The following EYS variants were observed in gnomAD, a reference collection of about 807,000 sequenced individuals.
EYS encodes the protein protein eyes shut homolog.
EYS carries 250 observed loss-of-function variants against 282.1 expected under a neutral mutation model. That is an observed-to-expected ratio of 0.89 (90% CI 0.80 to 0.98). EYS has a LOEUF of 0.98. EYS is among the 50% of genes least tolerant of loss of function. EYS has a pLI of 0.00. For synonymous variants in EYS, 1,355 were observed against 1,282.9 expected, an observed-to-expected ratio of 1.06 and a Z score of -1.20; for missense variants, 4,016 against 3,709.0, an observed-to-expected ratio of 1.08 and a Z score of -2.15.
chr6:65,067,457 A>G (rs9354211), intron 12 of EYS, among the ~76,000 whole-genome samples: 6,989 of 152,188 alleles, frequency 0.046, 215 homozygotes, highest in Middle Eastern at 0.068. Flanking sequence ...CTCTGGTTTT[A>G]GATATGATGT....
intron 31 of EYS, among the ~76,000 whole-genome samples, chr6:64,229,415 T>A (rs1437418563): frequency 6.6e-6 from 1 of 152,172 alleles, no homozygotes; most frequent in African/African-American, 2.4e-5. Flanking sequence ...CCTAGATCTC[T>A]CTACTCAAAG....
intron 22 of EYS, among the ~76,000 whole-genome samples, chr6:64,671,004 G>A (rs1288890631): frequency 6.6e-6 from 1 of 151,048 alleles, no homozygotes; most frequent in Non-Finnish European, 1.5e-5. Flanking sequence ...TTCATTCCCA[G>A]ACCTACTATT....
intron 12 of EYS, among the ~76,000 whole-genome samples, chr6:65,075,135 A>G (rs1479786215): frequency 6.6e-6 from 1 of 152,048 alleles, no homozygotes; most frequent in Non-Finnish European, 1.5e-5. Context: ...AGTTGAGAAC[A>G]TGAGTTCTTA....
intron 2 of EYS, among the ~76,000 whole-genome samples, chr6:65,596,467 A>C (rs2149787506): frequency 6.6e-6 from 1 of 152,230 alleles, no homozygotes; most frequent in South Asian, 2.1e-4. Context: ...AATATTGGGA[A>C]AGATGTGATT....
chr6:64,952,479 T>A (rs1769546026), intron 14 of EYS, among the ~76,000 whole-genome samples: 1 of 151,980 alleles, frequency 6.6e-6, no homozygotes, highest in Non-Finnish European at 1.5e-5. Flanking sequence ...AACCATAAAT[T>A]TTAACTAAAA....
At chr6:65,689,061 A>G (rs1014007086) in intron 1 of EYS, among the ~76,000 whole-genome samples, 5 of 150,422 alleles carry the variant, frequency 3.3e-5, no homozygotes, top group Non-Finnish European at 7.4e-5. Flanking sequence ...GCTGCTATAA[A>G]GACACATGTG....
chr6:64,372,071 G>C (rs1021384461), intron 29 of EYS, among the ~76,000 whole-genome samples: 13 of 147,722 alleles, frequency 8.8e-5, no homozygotes, highest in African/African-American at 2.5e-4. Context: ...TTGTTAGCTG[G>C]TTATTATGCA....
chr6:64,156,555 A>C (rs553331446), intron 31 of EYS, among the ~76,000 whole-genome samples: 1 of 152,336 alleles, frequency 6.6e-6, no homozygotes, highest in South Asian at 2.1e-4. Context: ...GCTCAGAAGA[A>C]GATAGGAAAA....
rs573777753 is a variant in EYS at position 64,572,131 on chromosome 6, C to A, written c.5644+18092G>T. Among the ~76,000 whole-genome samples the A allele has an allele frequency of 1.8e-4, 27 of 152,190 alleles. 1 individual carries two copies. The South Asian group carries it at 5.6e-3, about 32-fold the overall frequency. On this transcript the variant is annotated intron_variant, in intron 26 of 42. Coordinates refer to ENST00000503581, the MANE Select transcript of EYS (RefSeq NM_001142800.2). ...CAAGGCTGGTTCAACATATGCAAATCAAAAAACATAATCCATCACATAAAC... is the reference window on the plus strand; with the variant it reads ...CAAGGCTGGTTCAACATATGCAAATAAAAAAACATAATCCATCACATAAAC...
At chr6:63,769,856 G>A (rs1418264301) in intron 40 of EYS, among the ~76,000 whole-genome samples, 2 of 151,954 alleles carry the variant, frequency 1.3e-5, no homozygotes, top group African/African-American at 4.8e-5. Flanking sequence ...GACTGTAAGA[G>A]TTTAGTATGA....
chr6:63,975,212 C>T (rs917940215), intron 35 of EYS, among the ~76,000 whole-genome samples: 2 of 151,838 alleles, frequency 1.3e-5, no homozygotes, highest in African/African-American at 2.4e-5. Context: ...GTTCTGCATG[C>T]CTTAATGTTT....
At chr6:64,689,492 G>C (rs969358310) in intron 22 of EYS, among the ~76,000 whole-genome samples, 1 of 151,802 alleles carries the variant, frequency 6.6e-6, no homozygotes, top group African/African-American at 2.4e-5. Context: ...AGTTCATATG[G>C]AACCAAAGAA....
chr6:64,795,902 T>C (rs1165769407), intron 22 of EYS, among the ~76,000 whole-genome samples: 1 of 152,200 alleles, frequency 6.6e-6, no homozygotes, highest in Non-Finnish European at 1.5e-5. Context: ...GGTTTATGCA[T>C]TGTAGAATGA....
At chr6:65,332,529 T>C in intron 11 of EYS, 1 of 881,260 alleles carries the variant, frequency 1.1e-6, no homozygotes. Flanking sequence ...CTCATTTTCA[T>C]TGATCTTAGT....
chr6:63,945,415 C>T (rs960654617), intron 35 of EYS, among the ~76,000 whole-genome samples: 5 of 152,056 alleles, frequency 3.3e-5, no homozygotes, highest in Non-Finnish European at 5.9e-5. Flanking sequence ...AACTACCATT[C>T]AAGATGAGAA....
intron 12 of EYS, among the ~76,000 whole-genome samples, chr6:65,152,279 T>C (rs1390755053): frequency 1.3e-5 from 2 of 151,940 alleles, no homozygotes; most frequent in African/African-American, 4.8e-5. Flanking sequence ...CTCTCCATAC[T>C]TTACACACCT....
chr6:63,753,390 G>A (rs1403956841), intron 41 of EYS, among the ~76,000 whole-genome samples: 1 of 151,816 alleles, frequency 6.6e-6, no homozygotes, highest in Non-Finnish European at 1.5e-5. Context: ...CAGAAATGTT[G>A]AGACCCATCT....
chr6:64,656,752 G>A (rs537432431), intron 22 of EYS, among the ~76,000 whole-genome samples: 2 of 152,278 alleles, frequency 1.3e-5, no homozygotes, highest in East Asian at 3.9e-4. Flanking sequence ...GGATGAGAAG[G>A]GGAAGGGGGT....
chr6:65,614,608 A>G (rs2149796938), intron 2 of EYS, among the ~76,000 whole-genome samples: 1 of 152,222 alleles, frequency 6.6e-6, no homozygotes, highest in Admixed American at 6.5e-5. Flanking sequence ...ATAAGAATGA[A>G]CTAGGTGTAC....
Sources: gnomAD v4.1 joint callset for allele counts (sites outside exome capture counted in the v4.1 genomes callset) on GRCh38, gnomAD v4.1.1 for gene constraint, MANE v1.5 for transcripts, NCBI Gene and HGNC (gene_info 2026-07-23, HGNC 2026-07-21) for gene names.